Variants in GGACT observed in about 807,000 individuals in gnomAD.
GGACT encodes gamma-glutamylamine cyclotransferase, also known as gamma-glutamylaminecyclotransferase.
For missense variants in GGACT, 241 were observed against 233.2 expected, an observed-to-expected ratio of 1.03 and a Z score of -0.22; for synonymous variants, 118 against 115.3, an observed-to-expected ratio of 1.02 and a Z score of -0.15.
chr13:100,574,799 G>GCTGAACTAA (rs1875200803), intron 2 of GGACT, among the ~76,000 whole-genome samples: 1 of 151,890 alleles, frequency 6.6e-6, no homozygotes, highest in South Asian at 2.1e-4. Context: ...TAAAATAAAA[G>GCTGAACTAA]CTGAACTAAT....
At chr13:100,555,656 A>G (rs1195832839) in intron 2 of GGACT, among the ~76,000 whole-genome samples, 1 of 152,126 alleles carries the variant, frequency 6.6e-6, no homozygotes, top group African/African-American at 2.4e-5. Flanking sequence ...AGAGAGAGAG[A>G]CGCTGTCTCA....
chr13:100,548,922 A>C (rs1318787798), intron 2 of GGACT, among the ~76,000 whole-genome samples: 1 of 152,276 alleles, frequency 6.6e-6, no homozygotes, highest in East Asian at 1.9e-4. Context: ...TAAATGCATC[A>C]GCATGAATTA....
At chr13:100,587,899 G>A (rs1175309169) in intron 1 of GGACT, among the ~76,000 whole-genome samples, 10 of 152,250 alleles carry the variant, frequency 6.6e-5, no homozygotes, top group East Asian at 1.9e-4. Flanking sequence ...GATAGCAGGC[G>A]CCTGTAATCC....
chr13:100,570,480 G>C (rs1159273821), intron 2 of GGACT, among the ~76,000 whole-genome samples: 2 of 152,242 alleles, frequency 1.3e-5, no homozygotes, highest in South Asian at 2.1e-4. Context: ...AACAGGATGG[G>C]GGGGAACCGC....
In GGACT at chr13:100,531,404, A is replaced by AGAT. The variant is rs1277352081; in HGVS notation, c.*723_*725dup. On this transcript the variant is annotated 3_prime_UTR_variant, in exon 3 of 3. Coordinates refer to ENST00000683975, the MANE Select transcript of GGACT (RefSeq NM_001195087.2). ...GGTCTGGCTACTGAGATCTGGGCTC[A>AGAT]GATAAACTTCCACTTGAAGTCCGGG... The AGAT allele has an allele frequency of 1.3e-5, 2 of 152,246 alleles. No individual in the cohort carries two copies. The highest frequency in any genetic ancestry group is 1.9e-4 in the East Asian group (1 of 5,206). The allele number at this position is 152,246 out of a possible 1,614,324, so 9.4% of individuals were successfully genotyped here. A position where few individuals can be genotyped will look rare whatever the true frequency, so the allele number is the denominator to read the frequency against.
intron 1 of GGACT, among the ~76,000 whole-genome samples, chr13:100,588,344 A>AAAAACAAT (rs1875644205): frequency 6.6e-6 from 1 of 152,244 alleles, no homozygotes; most frequent in Non-Finnish European, 1.5e-5. Flanking sequence ...CTTTAAAATG[A>AAAAACAAT]AAAACAATTT....
chr13:100,550,613 G>A (rs1173897702), intron 2 of GGACT, among the ~76,000 whole-genome samples: 2 of 152,134 alleles, frequency 1.3e-5, no homozygotes, highest in Non-Finnish European at 2.9e-5. Context: ...AGCACATTTG[G>A]GTATATACTT....
chr13:100,542,324 G>A (rs2088562952), intron 2 of GGACT, among the ~76,000 whole-genome samples: 1 of 152,228 alleles, frequency 6.6e-6, no homozygotes, highest in African/African-American at 2.4e-5. Flanking sequence ...TCATGACGCT[G>A]TGGAAACGTT....
chr13:100,570,653 A>C (rs1875054435), intron 2 of GGACT, among the ~76,000 whole-genome samples: 1 of 152,126 alleles, frequency 6.6e-6, no homozygotes, highest in Non-Finnish European at 1.5e-5. Flanking sequence ...AGGTTTATAA[A>C]ATCCCAAGGA....
chr13:100,581,850 T>C (rs1013872509), intron 2 of GGACT, among the ~76,000 whole-genome samples: 3 of 152,202 alleles, frequency 2.0e-5, no homozygotes, highest in African/African-American at 7.2e-5. Context: ...CTCCATGGTC[T>C]TCCTCCCAAT....
intron 2 of GGACT, among the ~76,000 whole-genome samples, chr13:100,567,399 C>A (rs932810469): frequency 3.3e-5 from 5 of 152,194 alleles, no homozygotes; most frequent in African/African-American, 1.2e-4. Context: ...GGGTGAATTC[C>A]AGCAAGCTTC....
chr13:100,582,599 A>G (rs940354794), intron 2 of GGACT, among the ~76,000 whole-genome samples: 2 of 152,206 alleles, frequency 1.3e-5, no homozygotes, highest in Non-Finnish European at 2.9e-5. Flanking sequence ...GTGACGACAA[A>G]AGCAGGGTCA....
intron 2 of GGACT, among the ~76,000 whole-genome samples, chr13:100,568,580 CA>C (rs564619304): frequency 2.4e-3 from 368 of 152,334 alleles, no homozygotes; most frequent in African/African-American, 8.6e-3. Context: ...AACTACAATT[CA>C]AGATGAGATT....
Position 100,532,424 on chromosome 13 carries a change from C to T in GGACT, c.168G>A (p.Leu56=), listed in dbSNP as rs2088420279. 3 of 1,549,936 alleles carry T rather than the reference C, an allele frequency of 1.9e-6. No individual in the cohort carries two copies. The highest frequency in any genetic ancestry group is 1.7e-4 in the Middle Eastern group (1 of 6,014). The stretch of plus-strand genomic sequence containing the variant: ...CCTCCACGAGGCGCCCCGAGCCGGG[C>T]AGGTGCAGCAGCCACGGGATGTTGT... ...GEHNIPWLLH[L]PGSGRLVEGE... The change falls in exon 3 of 3, where the codon CTG becomes CTA. Residue 56 remains leucine (L), a synonymous_variant. Transcript: ENST00000683975.
chr13:100,588,440 C>A (rs1875647914), intron 1 of GGACT, among the ~76,000 whole-genome samples: 1 of 152,214 alleles, frequency 6.6e-6, no homozygotes, highest in Admixed American at 6.5e-5. Flanking sequence ...AAGCAGCGCC[C>A]GTGCGTGAGG....
rs548509629 is a variant in GGACT at position 100,533,114 on chromosome 13, G to A, written c.-10-513C>T. Among the ~76,000 whole-genome samples, 11 of 152,316 alleles carry A rather than the reference G, an allele frequency of 7.2e-5. 1 individual carries two copies. The South Asian group carries it at 2.3e-3, about 32-fold the overall frequency. ...AACACAGTCCTGACCTGCTGACTGC[G>A]CAGCCTCCCCGACTCCCTGAGGGCA... On this transcript the variant is annotated intron_variant, in intron 2 of 2. Coordinates refer to ENST00000683975, the MANE Select transcript of GGACT (RefSeq NM_001195087.2).
intron 2 of GGACT, among the ~76,000 whole-genome samples, chr13:100,560,972 G>A (rs1047509319): frequency 6.6e-6 from 1 of 152,170 alleles, no homozygotes; most frequent in Admixed American, 6.5e-5. Flanking sequence ...TGGGATAGTG[G>A]GCTGGTGGGC....
At chr13:100,569,718 T>C (rs1279251504) in intron 2 of GGACT, among the ~76,000 whole-genome samples, 1 of 152,248 alleles carries the variant, frequency 6.6e-6, no homozygotes, top group African/African-American at 2.4e-5. Context: ...AAAATAAGTT[T>C]TTCTTTTCTA....
Position 100,584,020 on chromosome 13 carries a change from G to A in GGACT, c.-183-23C>T, listed in dbSNP as rs909262127. The A allele has an allele frequency of 4.6e-5, 7 of 152,270 alleles. No homozygotes were observed. In the South Asian group the frequency reaches 6.2e-4, roughly 14 times the overall value. 9.4% of individuals were successfully genotyped at this position (152,270 alleles called of 1,614,324 possible). Reference sequence around the variant, plus strand: ...GTCCTGTTGGGAGGTGAGATAAGAGGAAGTCAACTGAAGAAAGTTAAACAT... The same window carrying A: ...GTCCTGTTGGGAGGTGAGATAAGAGAAAGTCAACTGAAGAAAGTTAAACAT... On this transcript the variant is annotated intron_variant, in intron 1 of 2. Transcript: ENST00000683975.
Sources: gnomAD v4.1 joint callset for allele counts (sites outside exome capture counted in the v4.1 genomes callset) on GRCh38, gnomAD v4.1.1 for gene constraint, MANE v1.5 for transcripts, NCBI Gene and HGNC (gene_info 2026-07-23, HGNC 2026-07-21) for gene names.